The following PIEZO2 variants were observed in gnomAD, a reference collection of about 807,000 sequenced individuals.
The protein encoded by PIEZO2 is piezo-type mechanosensitive ion channel component 2.
PIEZO2 carries 172 observed loss-of-function variants against 337.3 expected under a neutral mutation model. The ratio of observed to expected loss-of-function variants is 0.51; its 90% CI spans 0.45 to 0.58. The LOEUF is 0.58. PIEZO2 is among the 20% of genes least tolerant of loss of function. The pLI, the probability that PIEZO2 is intolerant of heterozygous loss-of-function variation, is 0.00. For synonymous variants in PIEZO2, 1,251 were observed against 1,228.5 expected (o/e 1.02, Z -0.38); for missense variants, 3,028 against 3,391.3 (o/e 0.89, Z 2.66).
chr18:11,138,279 T>G (rs534705213), intron 1 of PIEZO2, among the ~76,000 whole-genome samples: 14 of 152,308 alleles, frequency 9.2e-5, no homozygotes, highest in East Asian at 5.8e-4. Context: ...TAGTGTTTTT[T>G]TTGTTGTTGT....
rs2039707064 is a variant in PIEZO2, at chr18:11,110,744, C to T, written c.64+37781G>A. Among the ~76,000 whole-genome samples the T allele has an allele frequency of 6.6e-6, 1 of 151,534 alleles. No individual in the cohort carries two copies. The highest frequency in any genetic ancestry group is 2.1e-4 in the South Asian group (1 of 4,778). ...GGGTCTTGTGCTTCCTGCCTTGCCT[C>T]CGTCAAGCTGATGGCAGGCAGCTCT... On this transcript the variant is annotated intron_variant, in intron 1 of 55. Transcript: ENST00000674853. The surrounding 1 kb of genome is among the most constrained non-coding windows in gnomAD (Gnocchi z 4.2).
chr18:10,825,160 G>A (rs569333790), intron 7 of PIEZO2, among the ~76,000 whole-genome samples: 2 of 152,056 alleles, frequency 1.3e-5, no homozygotes, highest in East Asian at 3.9e-4. Context: ...CATCATGCCC[G>A]GCCACCTAAT....
rs748234720 is a variant in PIEZO2 at position 10,759,663 on chromosome 18, C to G, written c.3655+42G>C. 35 of 1,536,298 alleles carry G rather than the reference C, an allele frequency of 2.3e-5. No homozygotes were observed. The highest frequency in any genetic ancestry group is 2.0e-5 in the Admixed American group (1 of 50,974). On this transcript the variant is annotated intron_variant, in intron 25 of 55. Coordinates refer to ENST00000674853, the MANE Select transcript of PIEZO2 (RefSeq NM_001378183.1). This position sits in a 1 kb window ranked among gnomAD's most constrained non-coding sequence, Gnocchi z 5.5. ...CTCCCAGCCGTCCGCTCAGTAATGG[C>G]TTCTTCTAAAAGTAGACGGCTCAAG...
At chr18:10,956,983 A>ACG (rs767426243) in intron 3 of PIEZO2, among the ~76,000 whole-genome samples, 2 of 148,314 alleles carry the variant, frequency 1.3e-5, no homozygotes, top group East Asian at 3.9e-4. Context: ...AAAAAAAAAA[A>ACG]AAAGAAATCA....
At position 11,070,376 on chromosome 18, in the gene PIEZO2, C is replaced by T. The variant is rs1415696771; in HGVS notation, c.65-4154G>A. ...AGGGGCATGGAGATCAAGCCCTGAA[C>T]AGAGATGTTTGTTGAAATAATAAGA... On this transcript the variant is annotated intron_variant, in intron 1 of 55. Transcript: ENST00000674853. The surrounding 1 kb of genome is among the most constrained non-coding windows in gnomAD (Gnocchi z 4.3). 6.6e-6 allele frequency among the ~76,000 whole-genome samples: 1 copy of T among 152,126 alleles called. No individual in the cohort carries two copies. The highest frequency in any genetic ancestry group is 1.5e-5 in the Non-Finnish European group (1 of 68,022).
At chr18:10,897,133 G>A (rs914911427) in intron 4 of PIEZO2, among the ~76,000 whole-genome samples, 2 of 152,128 alleles carry the variant, frequency 1.3e-5, no homozygotes, top group Non-Finnish European at 2.9e-5. Flanking sequence ...ACTGAATCCT[G>A]GGCTTGGTTT....
chr18:10,953,275 T>C lies in PIEZO2; in HGVS notation c.286+26260A>G, dbSNP rs1046800518. On this transcript the variant is annotated intron_variant, in intron 3 of 55. Coordinates refer to ENST00000674853, the MANE Select transcript of PIEZO2 (RefSeq NM_001378183.1). This position sits in a 1 kb window ranked among gnomAD's most constrained non-coding sequence, Gnocchi z 5.2. ...TGTAATTTATCAGTTTTTTCTCTTA[T>C]GAGTTGTGATTTTGATGTTGTATTT... 1.3e-5 allele frequency among the ~76,000 whole-genome samples: 2 copies of C among 152,152 alleles called. No homozygotes were observed. Among genetic ancestry groups the C allele is most frequent in the Non-Finnish European group, 2.9e-5 (2 of 68,024 alleles).
At chr18:10,968,505 G>C (rs2145422088) in intron 3 of PIEZO2, among the ~76,000 whole-genome samples, 1 of 152,180 alleles carries the variant, frequency 6.6e-6, no homozygotes, top group South Asian at 2.1e-4. Flanking sequence ...GTATGTTGAT[G>C]GGAAGTGCTA....
chr18:10,866,620 G>C (rs540837055), intron 5 of PIEZO2, among the ~76,000 whole-genome samples: 1 of 152,252 alleles, frequency 6.6e-6, no homozygotes, highest in South Asian at 2.1e-4. Flanking sequence ...CTCACTGACT[G>C]TCCCAAGGGC....
At position 11,079,996 on chromosome 18, in the gene PIEZO2, A is replaced by T. The variant is rs575328226; in HGVS notation, c.65-13774T>A. On this transcript the variant is annotated intron_variant, in intron 1 of 55. Transcript: ENST00000674853. ...CTGACCTATTAGGTAGATACGGTCA[A>T]TATCCACCATTTAGAGGAAGTTAAG... Among the ~76,000 whole-genome samples the T allele has an allele frequency of 3.3e-5, 5 of 152,330 alleles. No homozygotes were observed. In the South Asian group the frequency reaches 1.0e-3, roughly 32 times the overall value.
At chr18:11,107,765 C>T (rs7229341) in intron 1 of PIEZO2, among the ~76,000 whole-genome samples, 23,017 of 152,060 alleles carry the variant, frequency 0.15, 2,121 homozygotes, top group African/African-American at 0.25. Context: ...ATTAGGACGA[C>T]AGGGTTGGAA....
chr18:10,723,734 C>T (rs1330480170), intron 36 of PIEZO2, among the ~76,000 whole-genome samples: 1 of 151,968 alleles, frequency 6.6e-6, no homozygotes, highest in Non-Finnish European at 1.5e-5. Flanking sequence ...TTGGGGTGAG[C>T]GCCCTGTCAC....
At chr18:10,720,977 T>C (rs79893927) in intron 36 of PIEZO2, among the ~76,000 whole-genome samples, 2,223 of 152,316 alleles carry the variant, frequency 0.015, 43 homozygotes, top group African/African-American at 0.051. Context: ...CCTGAAGACA[T>C]ACTTGGCTAC....
At position 10,725,362 on chromosome 18, in the gene PIEZO2, A is replaced by C. The variant is rs569685544; in HGVS notation, c.5029+6045T>G. On this transcript the variant is annotated intron_variant, in intron 36 of 55. Coordinates refer to ENST00000674853, the MANE Select transcript of PIEZO2 (RefSeq NM_001378183.1). Reference sequence around the variant, plus strand: ...CAGCTGAGTGAAGACCTGCTGTCCCAGGCGGTGATGATGGTGGAGAACAGC... The same window carrying C: ...CAGCTGAGTGAAGACCTGCTGTCCCCGGCGGTGATGATGGTGGAGAACAGC... 17 of 1,605,878 alleles carry C rather than the reference A, an allele frequency of 1.1e-5. No homozygotes were observed. In the Admixed American group the frequency reaches 2.8e-4, roughly 27 times the overall value.
At chr18:10,715,416 A>G (rs2035973846) in intron 38 of PIEZO2, among the ~76,000 whole-genome samples, 1 of 152,214 alleles carries the variant, frequency 6.6e-6, no homozygotes, top group Non-Finnish European at 1.5e-5. Context: ...GAGGGATAGG[A>G]TGAATAAAGT....
chr18:10,746,538 G>A lies in PIEZO2; in HGVS notation c.4424+1933C>T, dbSNP rs748909449. On this transcript the variant is annotated intron_variant, in intron 30 of 55. Coordinates refer to ENST00000674853, the MANE Select transcript of PIEZO2 (RefSeq NM_001378183.1). This position sits in a 1 kb window ranked among gnomAD's most constrained non-coding sequence, Gnocchi z 4.2. Reference sequence around the variant, plus strand: ...CCCTTGATGTGACCTCATGGCTCCCGGAGTGTCTCCTACCATCACACCTGC... The same window carrying A: ...CCCTTGATGTGACCTCATGGCTCCCAGAGTGTCTCCTACCATCACACCTGC... Among the ~76,000 whole-genome samples the A allele has an allele frequency of 2.6e-5, 4 of 152,148 alleles. No individual in the cohort carries two copies. The highest frequency in any genetic ancestry group is 6.5e-5 in the Admixed American group (1 of 15,278).
At chr18:10,885,663 C>T (rs902427354) in intron 4 of PIEZO2, among the ~76,000 whole-genome samples, 3 of 152,174 alleles carry the variant, frequency 2.0e-5, no homozygotes, top group Admixed American at 2.0e-4. Flanking sequence ...GACTGTTTTC[C>T]TAAGTGTTTG....
At position 10,692,566 on chromosome 18, in the gene PIEZO2, A is replaced by C. The variant is rs552287369; in HGVS notation, c.7191-1183T>G. 2.1e-4 allele frequency among the ~76,000 whole-genome samples: 29 copies of C among 138,364 alleles called. No homozygotes were observed. The South Asian group carries it at 6.1e-3, about 29-fold the overall frequency. 90.8% of individuals were successfully genotyped at this position (138,364 alleles called of 152,430 possible). A position where few individuals can be genotyped will look rare whatever the true frequency, so the allele number is the denominator to read the frequency against. Reference sequence around the variant, plus strand: ...TTCTCTTTCTGTCTCTCTCTTGCCCACACCCCCGTGGAGATATCTAATGGT... The same window carrying C: ...TTCTCTTTCTGTCTCTCTCTTGCCCCCACCCCCGTGGAGATATCTAATGGT... On this transcript the variant is annotated intron_variant, in intron 47 of 55. Transcript: ENST00000674853.
intron 1 of PIEZO2, among the ~76,000 whole-genome samples, chr18:11,095,004 G>A (rs920772969): frequency 1.3e-5 from 2 of 152,220 alleles, no homozygotes; most frequent in African/African-American, 4.8e-5. Flanking sequence ...CAAGTGTGGG[G>A]GTGGAAGGAG....
Sources: allele counts gnomAD v4.1 joint callset (sites outside exome capture counted in the v4.1 genomes callset), GRCh38; gene constraint gnomAD v4.1.1; non-coding constraint Gnocchi (gnomAD v3.1); transcripts MANE v1.5; gene names NCBI Gene and HGNC (gene_info 2026-07-23, HGNC 2026-07-21).